Variants in TENM4 observed in about 807,000 individuals in gnomAD.
TENM4 encodes teneurin transmembrane protein 4.
Under a neutral mutation model 243.3 loss-of-function variants are expected in TENM4, and 82 were observed. That is an observed-to-expected ratio of 0.34 (90% CI 0.28 to 0.40). The LOEUF (loss-of-function observed/expected upper bound fraction) is 0.40. TENM4 is among the 10% of genes least tolerant of loss of function. The pLI is 1.00. For missense variants in TENM4, 3,138 were observed against 3,673.3 expected, an observed-to-expected ratio of 0.85 and a Z score of 3.77; for synonymous variants, 1,412 against 1,456.3, an observed-to-expected ratio of 0.97 and a Z score of 0.69.
intron 1 of TENM4, among the ~76,000 whole-genome samples, chr11:79,346,507 A>G (rs1317180927): frequency 6.6e-6 from 1 of 151,992 alleles, no homozygotes; most frequent in Non-Finnish European, 1.5e-5. Context: ...TGCTGCTTCA[A>G]CCCCCACCTC....
intron 28 of TENM4, among the ~76,000 whole-genome samples, chr11:78,695,386 C>G (rs1323925427): frequency 3.3e-5 from 5 of 150,292 alleles, no homozygotes; most frequent in African/African-American, 1.2e-4. Context: ...TTTTGTGAGA[C>G]AGAGTTTCAC....
intron 6 of TENM4, among the ~76,000 whole-genome samples, chr11:78,996,575 A>T (rs1335181024): frequency 6.6e-6 from 1 of 152,172 alleles, no homozygotes; most frequent in Non-Finnish European, 1.5e-5. Flanking sequence ...GTTACACAGC[A>T]AAGGATACCC....
intron 6 of TENM4, among the ~76,000 whole-genome samples, chr11:79,007,055 C>T (rs754441983): frequency 8.5e-5 from 13 of 152,118 alleles, no homozygotes; most frequent in South Asian, 2.1e-4. Flanking sequence ...TGGACTTGGA[C>T]GGCAACGTTG....
intron 1 of TENM4, among the ~76,000 whole-genome samples, chr11:79,305,722 T>C (rs183484823): frequency 9.2e-5 from 14 of 152,284 alleles, no homozygotes; most frequent in Admixed American, 7.8e-4. Flanking sequence ...AAGGCCAGAT[T>C]TGTCCTTGAG....
intron 12 of TENM4, among the ~76,000 whole-genome samples, chr11:78,834,327 T>C (rs1858051582): frequency 1.3e-5 from 2 of 152,226 alleles, no homozygotes; most frequent in African/African-American, 4.8e-5. Context: ...TGAAGTTCTC[T>C]TCTCCTATAT....
chr11:79,369,215 A>C (rs1315082526), intron 1 of TENM4, among the ~76,000 whole-genome samples: 2 of 152,110 alleles, frequency 1.3e-5, no homozygotes, highest in Non-Finnish European at 2.9e-5. Context: ...CAAATTACCA[A>C]CGAGTCTCAG....
intron 5 of TENM4, among the ~76,000 whole-genome samples, chr11:79,067,078 C>G (rs558761823): frequency 2.0e-5 from 3 of 152,160 alleles, no homozygotes; most frequent in Admixed American, 1.3e-4. Context: ...CCCAATACCC[C>G]CAATCTCCTC....
At chr11:79,376,041 C>G (rs1054551179) in intron 1 of TENM4, among the ~76,000 whole-genome samples, 8 of 152,226 alleles carry the variant, frequency 5.3e-5, no homozygotes, top group African/African-American at 1.9e-4. Context: ...CACTGGGGGA[C>G]TGGATTCCTT....
At chr11:79,311,503 C>G (rs1176189099) in intron 1 of TENM4, among the ~76,000 whole-genome samples, 3 of 152,216 alleles carry the variant, frequency 2.0e-5, no homozygotes, top group Non-Finnish European at 4.4e-5. Flanking sequence ...GGCTTTGCCT[C>G]CATCGTACTT....
At chr11:79,248,858 A>G (rs1788962659) in intron 2 of TENM4, among the ~76,000 whole-genome samples, 1 of 151,820 alleles carries the variant, frequency 6.6e-6, no homozygotes, top group Non-Finnish European at 1.5e-5. Context: ...TCCCCCACCC[A>G]TTCCTTGTAA....
chr11:79,315,844 A>G (rs893307042), intron 1 of TENM4, among the ~76,000 whole-genome samples: 4 of 152,272 alleles, frequency 2.6e-5, no homozygotes, highest in African/African-American at 9.6e-5. Flanking sequence ...GCAACGGAAA[A>G]GAATAACAAA....
At chr11:78,978,145 T>A (rs1054670526) in intron 6 of TENM4, among the ~76,000 whole-genome samples, 5 of 150,812 alleles carry the variant, frequency 3.3e-5, no homozygotes, top group African/African-American at 1.2e-4. Context: ...TAAGTGGGGG[T>A]TGAACAATGA....
intron 12 of TENM4, among the ~76,000 whole-genome samples, chr11:78,837,713 T>C (rs975767733): frequency 6.6e-6 from 1 of 152,154 alleles, no homozygotes; most frequent in African/African-American, 2.4e-5. Context: ...TTAATACACA[T>C]GTTTATATTG....
intron 6 of TENM4, among the ~76,000 whole-genome samples, chr11:79,032,122 C>A (rs1859257416): frequency 6.6e-6 from 1 of 152,160 alleles, no homozygotes; most frequent in African/African-American, 2.4e-5. Context: ...TGAGTACTGA[C>A]ACATATAAGC....
chr11:79,111,256 C>CT (rs984837658), intron 4 of TENM4, among the ~76,000 whole-genome samples: 3 of 152,170 alleles, frequency 2.0e-5, no homozygotes, highest in African/African-American at 7.2e-5. Context: ...CATCAAACCT[C>CT]TTTTTCTGGC....
At chr11:79,393,462 CAG>C in intron 1 of TENM4, among the ~76,000 whole-genome samples, 1 of 152,362 alleles carries the variant, frequency 6.6e-6, no homozygotes, top group East Asian at 1.9e-4. Context: ...CTTCAGTCCT[CAG>C]TGGCTGTCAG....
At position 79,202,189 on chromosome 11, in the gene TENM4, G is replaced by A. The variant is rs144842866; in HGVS notation, c.-163+13619C>T. On this transcript the variant is annotated intron_variant, in intron 3 of 33. Coordinates refer to ENST00000278550, the MANE Select transcript of TENM4 (RefSeq NM_001098816.3). ...ACAGCACTGCCAGGAACAGGACCTC[G>A]TCCCATAAACCACTGCCACTCTGAC... is the stretch of plus-strand genomic sequence containing the variant. 1.8e-3 allele frequency among the ~76,000 whole-genome samples: 280 copies of A among 152,218 alleles called. 1 individual carries two copies. The highest frequency in any genetic ancestry group is 6.3e-3 in the African/African-American group (262 of 41,530).
chr11:78,870,356 C>T (rs1230240092), intron 9 of TENM4, among the ~76,000 whole-genome samples: 1 of 152,096 alleles, frequency 6.6e-6, no homozygotes, highest in Non-Finnish European at 1.5e-5. Flanking sequence ...ATGCCAGTTG[C>T]CAATTTCTTT....
intron 19 of TENM4, among the ~76,000 whole-genome samples, chr11:78,754,326 T>G (rs1856255613): frequency 6.6e-6 from 1 of 152,196 alleles, no homozygotes; most frequent in African/African-American, 2.4e-5. Context: ...GCTGGCTCCT[T>G]GAGGCCAGTC....
Sources: gnomAD v4.1 joint callset for allele counts (sites outside exome capture counted in the v4.1 genomes callset) on GRCh38, gnomAD v4.1.1 for gene constraint, MANE v1.5 for transcripts, NCBI Gene and HGNC (gene_info 2026-07-23, HGNC 2026-07-21) for gene names.